RHOBTB3: variants seen among roughly 807,000 people sequenced by gnomAD.
RHOBTB3 encodes the protein rho-related BTB domain-containing protein 3.
A neutral mutation model predicts 67.2 loss-of-function variants in RHOBTB3; 47 were observed. The observed-to-expected ratio is 0.70, with a 90% CI of 0.55 to 0.89. The LOEUF is 0.89. Ranked by LOEUF, RHOBTB3 falls within the 40% of genes least tolerant of loss-of-function variation. The probability of loss-of-function intolerance (pLI) is 0.00; values close to 1 mark genes in which losing one functional copy is unlikely to be tolerated. For synonymous variants in RHOBTB3, 273 were observed against 274.2 expected (o/e 1.00, Z 0.04); for missense variants, 631 against 750.0 (o/e 0.84, Z 1.85).
intron 10 of RHOBTB3, 56 bp downstream of exon 10, chr5:95,784,019 A>G: frequency 3.0e-6 from 4 of 1,352,012 alleles, no homozygotes; most frequent in South Asian, 3.2e-5. Flanking sequence ...TTTTCAAATT[A>G]TACTATTTTA....
rs761287551 is a variant in RHOBTB3 at position 95,752,377 on chromosome 5, A to ATT, written c.682+28_682+29dup. The stretch of plus-strand genomic sequence containing the variant: ...TGCATTTCTTAGCCAATGTCTAGAC[A>ATT]TTCATTAAACATTCATTACAGATCC... On this transcript the variant is annotated intron_variant, in intron 5 of 11. Coordinates refer to ENST00000379982, the MANE Select transcript of RHOBTB3 (RefSeq NM_014899.4). 2.2e-6 allele frequency: 3 copies of ATT among 1,386,142 alleles called. No homozygotes were observed. The Admixed American group carries it at 5.4e-5, about 25-fold the overall frequency. 85.9% of individuals were successfully genotyped at this position (1,386,142 alleles called of 1,614,324 possible). A position where few individuals can be genotyped will look rare whatever the true frequency, so the allele number is the denominator to read the frequency against.
chr5:95,773,189 C>G (rs893234650), intron 8 of RHOBTB3, among the ~76,000 whole-genome samples: 1 of 152,158 alleles, frequency 6.6e-6, no homozygotes, highest in African/African-American at 2.4e-5. Context: ...TAATGGCGTG[C>G]TTTTCTTCCA....
chr5:95,755,529 C>A lies in RHOBTB3; in HGVS notation c.816C>A (p.Ile272=). The change falls in exon 6 of 12, where the codon ATC becomes ATA. Residue 272 remains isoleucine (I), a synonymous_variant. Coordinates refer to ENST00000379982, the MANE Select transcript of RHOBTB3 (RefSeq NM_014899.4). ...AGAAAGTTGTAGAGGCCCACAAGAT[C>A]GTTCTCTGCGCTGTAAGCCATGTTT... is the stretch of plus-strand genomic sequence containing the variant. ...NLKKVVEAHK[I]VLCAVSHVFM... 1 of 1,614,110 alleles carries A rather than the reference C, an allele frequency of 6.2e-7. No homozygotes were observed.
intron 3 of RHOBTB3, among the ~76,000 whole-genome samples, chr5:95,742,844 G>A (rs1163305222): frequency 2.0e-5 from 3 of 152,130 alleles, no homozygotes; most frequent in African/African-American, 4.8e-5. Flanking sequence ...AGGCCGAGGC[G>A]GGCGGATCAT....
intron 10 of RHOBTB3, among the ~76,000 whole-genome samples, chr5:95,787,630 C>T (rs971047552): frequency 6.6e-6 from 1 of 152,102 alleles, no homozygotes; most frequent in Non-Finnish European, 1.5e-5. Flanking sequence ...AAGAGATAAA[C>T]AAAATGTGGT....
intron 10 of RHOBTB3, among the ~76,000 whole-genome samples, chr5:95,784,565 T>G (rs1227832722): frequency 6.6e-6 from 1 of 152,168 alleles, no homozygotes; most frequent in Non-Finnish European, 1.5e-5. Context: ...AGTCTTTTGT[T>G]TTCAATAATT....
chr5:95,748,559 G>T (rs1483211902), intron 4 of RHOBTB3, 72 bp downstream of exon 4: 24 of 1,150,372 alleles, frequency 2.1e-5, no homozygotes, highest in Non-Finnish European at 2.9e-5. Context: ...TAGAACATCA[G>T]TTAGAACTTC....
At chr5:95,726,701 T>C (rs1206699924), upstream of RHOBTB3, among the ~76,000 whole-genome samples, 2 of 152,246 alleles carry the variant, frequency 1.3e-5, no homozygotes, top group Admixed American at 1.3e-4. Context: ...TGTGCTTGCA[T>C]TTTTAACACT....
chr5:95,750,201 C>G (rs564849133), intron 4 of RHOBTB3, among the ~76,000 whole-genome samples: 1 of 152,256 alleles, frequency 6.6e-6, no homozygotes, highest in East Asian at 1.9e-4. Flanking sequence ...ATTTAAGGGT[C>G]AGAGTTGAAG....
At chr5:95,719,957 T>G (rs1030021425) in intron 1 of RHOBTB3, among the ~76,000 whole-genome samples, 1 of 152,198 alleles carries the variant, frequency 6.6e-6, no homozygotes, top group African/African-American at 2.4e-5. Flanking sequence ...TTAAAAAATG[T>G]CTGTTGAACT....
chr5:95,750,644 G>C lies in RHOBTB3; in HGVS notation c.571-1595G>C, dbSNP rs957152921. 2.0e-5 allele frequency among the ~76,000 whole-genome samples: 3 copies of C among 152,204 alleles called. No homozygotes were observed. The South Asian group carries it at 6.2e-4, about 32-fold the overall frequency. ...CAGAATTCTCCGGCCACTGGTCCTG[G>C]GTCTGTTTCGGCCTGTGCAGGCCAT... On this transcript the variant is annotated intron_variant, in intron 4 of 11. Coordinates refer to ENST00000379982, the MANE Select transcript of RHOBTB3 (RefSeq NM_014899.4).
At chr5:95,773,214 G>A (rs1745769399) in intron 8 of RHOBTB3, among the ~76,000 whole-genome samples, 1 of 152,180 alleles carries the variant, frequency 6.6e-6, no homozygotes, top group South Asian at 2.1e-4. Context: ...TCTACCTACT[G>A]TAGGCACCTG....
At chr5:95,765,268 A>G (rs1252307565) in intron 7 of RHOBTB3, among the ~76,000 whole-genome samples, 2 of 152,246 alleles carry the variant, frequency 1.3e-5, no homozygotes, top group Non-Finnish European at 2.9e-5. Context: ...AAGTACAGAA[A>G]TCTTGCCTTT....
chr5:95,756,941 A>T (rs1261098563), intron 6 of RHOBTB3, among the ~76,000 whole-genome samples: 1 of 152,190 alleles, frequency 6.6e-6, no homozygotes, highest in African/African-American at 2.4e-5. Context: ...GAGTAAATGA[A>T]ATCAAGTGTC....
intron 11 of RHOBTB3, among the ~76,000 whole-genome samples, chr5:95,790,546 A>G (rs146665947): frequency 6.6e-6 from 1 of 152,304 alleles, no homozygotes; most frequent in Non-Finnish European, 1.5e-5. Flanking sequence ...CCTATAAAGT[A>G]TGTTATGACA....
At chr5:95,739,434 GA>G (rs1755540496) in intron 3 of RHOBTB3, among the ~76,000 whole-genome samples, 1 of 151,644 alleles carries the variant, frequency 6.6e-6, no homozygotes, top group Admixed American at 6.6e-5. Flanking sequence ...CCTTCATAAG[GA>G]AAAAAACCCA....
intron 2 of RHOBTB3, among the ~76,000 whole-genome samples, chr5:95,735,488 A>G (rs951125505): frequency 1.3e-5 from 2 of 152,174 alleles, no homozygotes; most frequent in African/African-American, 4.8e-5. Flanking sequence ...GTGCCATCGT[A>G]GGATAAAAGC....
chr5:95,791,780 A>G (rs906831446), intron 11 of RHOBTB3, among the ~76,000 whole-genome samples: 2 of 151,880 alleles, frequency 1.3e-5, no homozygotes, highest in African/African-American at 2.4e-5. Context: ...TCCTGACCTC[A>G]AATAATCCGC....
Position 95,755,443 on chromosome 5 carries a change from T to C in RHOBTB3, c.730T>C (p.Leu244=). ...KAEASHYNSD[L]NNLLFCCQCV... ...TGAAGCGTCACATTATAACTCTGAC[T>C]TAAATAACTTGCTGTTCTGCTGCCA... is the stretch of plus-strand genomic sequence containing the variant. The change falls in exon 6 of 12, where the codon TTA becomes CTA. Residue 244 remains leucine, a synonymous_variant. Coordinates refer to ENST00000379982, the MANE Select transcript of RHOBTB3 (RefSeq NM_014899.4). 3 of 1,612,184 alleles carry C rather than the reference T, an allele frequency of 1.9e-6. No homozygotes were observed. The highest frequency in any genetic ancestry group is 2.2e-5 in the South Asian group (2 of 90,432).
Sources: allele counts gnomAD v4.1 joint callset (sites outside exome capture counted in the v4.1 genomes callset), GRCh38; gene constraint gnomAD v4.1.1; transcripts MANE v1.5; gene names NCBI Gene and HGNC (gene_info 2026-07-23, HGNC 2026-07-21).